NCOR2: variants seen among roughly 807,000 people sequenced by gnomAD.
NCOR2 encodes CTG repeat protein 26.
A neutral mutation model predicts 262.9 loss-of-function variants in NCOR2; 81 were observed. The observed-to-expected ratio is 0.31, with a 90% CI of 0.26 to 0.37. The LOEUF is 0.37. Among genes scored for constraint, NCOR2 ranks in the 10% least tolerant of loss-of-function variants. The pLI is 1.00. For missense variants in NCOR2, 3,385 were observed against 3,621.4 expected, an observed-to-expected ratio of 0.93 and a Z score of 1.68; for synonymous variants, 1,659 against 1,559.3, an observed-to-expected ratio of 1.06 and a Z score of -1.51.
rs536923022 is a variant in NCOR2, at chr12:124,374,115, C to T, written c.2218+298G>A. On this transcript the variant is annotated intron_variant, in intron 19 of 46. Transcript: ENST00000405201. ...TCCCATTTTCTGTAAAATGGGGATACTTGAAAACCCCTGCATTTGCTATCA... is the reference window on the plus strand; with the variant it reads ...TCCCATTTTCTGTAAAATGGGGATATTTGAAAACCCCTGCATTTGCTATCA... 2.6e-5 allele frequency among the ~76,000 whole-genome samples: 4 copies of T among 152,302 alleles called. No individual in the cohort carries two copies. In the East Asian group the frequency reaches 7.8e-4, roughly 30 times the overall value.
At chr12:124,353,080 G>T (rs998838006) in intron 27 of NCOR2, among the ~76,000 whole-genome samples, 1 of 152,210 alleles carries the variant, frequency 6.6e-6, no homozygotes, top group Non-Finnish European at 1.5e-5. Flanking sequence ...TTGGCAGCTG[G>T]CTGTCTGCCA....
At chr12:124,360,407 C>T (rs1173599590) in intron 22 of NCOR2, among the ~76,000 whole-genome samples, 1 of 152,244 alleles carries the variant, frequency 6.6e-6, no homozygotes, top group African/African-American at 2.4e-5. Flanking sequence ...GCCACCTGTG[C>T]GGTTCAGGCA....
exon 14 of NCOR2, chr12:124,402,432 C>A: frequency 6.2e-7 from 1 of 1,614,180 alleles, no homozygotes; most frequent in African/African-American, 1.3e-5. Context: ...TCGTTCTCCA[C>A]CTCCGGCTTC....
intron 23 of NCOR2, 36 bp downstream of exon 25, chr12:124,356,606 G>A (rs766068636): frequency 7.8e-6 from 11 of 1,414,478 alleles, no homozygotes; most frequent in Non-Finnish European, 1.0e-5. Context: ...ATTGTGCACT[G>A]GCTGAAGAAG....
At chr12:124,407,705 ATG>A (rs2042350990) in intron 13 of NCOR2, among the ~76,000 whole-genome samples, 1 of 152,324 alleles carries the variant, frequency 6.6e-6, no homozygotes, top group African/African-American at 2.4e-5. Flanking sequence ...GTCCTTACAA[ATG>A]TGTCAGGAGA....
At chr12:124,470,325 C>T (rs571586984) in intron 4 of NCOR2, among the ~76,000 whole-genome samples, 105 of 152,164 alleles carry the variant, frequency 6.9e-4, no homozygotes, top group Admixed American at 1.4e-3. Flanking sequence ...AGTTACTGTA[C>T]GACACGACCC....
At chr12:124,422,791 T>A (rs952095060) in intron 11 of NCOR2, among the ~76,000 whole-genome samples, 1 of 152,220 alleles carries the variant, frequency 6.6e-6, no homozygotes, top group Non-Finnish European at 1.5e-5. Flanking sequence ...TTAGCGCCTT[T>A]GAAAATATAT....
chr12:124,342,462 C>T (rs370879899), intron 33 of NCOR2, among the ~76,000 whole-genome samples: 6 of 152,098 alleles, frequency 3.9e-5, no homozygotes, highest in Admixed American at 2.6e-4. Flanking sequence ...CTCCGCCTCC[C>T]GGGTTCACGC....
chr12:124,409,302 C>T (rs2042439442), intron 13 of NCOR2, among the ~76,000 whole-genome samples: 1 of 152,206 alleles, frequency 6.6e-6, no homozygotes, highest in Non-Finnish European at 1.5e-5. Context: ...CCCATGCCCA[C>T]CACCTGTCTC....
chr12:124,386,397 G>A (rs1311681764), intron 16 of NCOR2, among the ~76,000 whole-genome samples: 1 of 152,100 alleles, frequency 6.6e-6, no homozygotes, highest in East Asian at 1.9e-4. Flanking sequence ...GTGAGCAGGG[G>A]ATGGGAGGGT....
rs200072577 is a variant in NCOR2, at chr12:124,335,124, C to T, written c.6411+11G>A. 145 of 1,612,334 alleles carry T rather than the reference C, an allele frequency of 9.0e-5. No individual in the cohort carries two copies. The African/African-American group carries it at 1.1e-3, about 12-fold the overall frequency. On this transcript the variant is annotated intron_variant, in intron 40 of 46. Transcript: ENST00000405201. Reference sequence around the variant, plus strand: ...AAAGGTGACAAGCAGCAGCAGAGAACGCGTAGTTACACTGATGTGCTGGGC... The same window carrying T: ...AAAGGTGACAAGCAGCAGCAGAGAATGCGTAGTTACACTGATGTGCTGGGC...
intron 37 of NCOR2, 71 bp downstream of exon 39, chr12:124,339,935 C>A: frequency 2.3e-6 from 3 of 1,294,480 alleles, no homozygotes; most frequent in Non-Finnish European, 3.2e-6. Flanking sequence ...CAAGCATCCT[C>A]TTATCTGCTC....
At chr12:124,550,074 C>T (rs1034346436) in intron 1 of NCOR2, among the ~76,000 whole-genome samples, 4 of 152,152 alleles carry the variant, frequency 2.6e-5, no homozygotes, top group Admixed American at 6.5e-5. Flanking sequence ...GCATTTCTGG[C>T]GGCAGCAAAG....
intron 27 of NCOR2, among the ~76,000 whole-genome samples, chr12:124,352,411 T>C (rs139983780): frequency 2.1e-5 from 3 of 144,386 alleles, no homozygotes; most frequent in African/African-American, 7.7e-5. Flanking sequence ...TCTTGCTGTA[T>C]TGCCCAGGCT....
intron 19 of NCOR2, among the ~76,000 whole-genome samples, chr12:124,373,251 G>A (rs12830830): frequency 0.065 from 9,366 of 144,506 alleles, 468 homozygotes; most frequent in South Asian, 0.15. Context: ...TGCGTGTGCA[G>A]GGGACCCGGG....
In NCOR2 at chr12:124,523,272, C is replaced by T. The variant is rs1055595462; in HGVS notation, c.-118+12293G>A. Among the ~76,000 whole-genome samples the T allele has an allele frequency of 3.9e-5, 6 of 152,190 alleles. No homozygotes were observed. Among genetic ancestry groups the T allele is most frequent in the Non-Finnish European group, 7.3e-5 (5 of 68,034 alleles). The stretch of plus-strand genomic sequence containing the variant: ...ACTCACTTCCAACTGCAGCACCATC[C>T]GGCACGCCAGAATACCATGGGCACC... On this transcript the variant is annotated intron_variant, in intron 1 of 46. Coordinates refer to the NCOR2 transcript ENST00000404621. This position sits in a 1 kb window ranked among gnomAD's most constrained non-coding sequence, Gnocchi z 4.0.
At chr12:124,411,401 A>G (rs2042579953) in intron 13 of NCOR2, among the ~76,000 whole-genome samples, 1 of 152,144 alleles carries the variant, frequency 6.6e-6, no homozygotes, top group Admixed American at 6.5e-5. Flanking sequence ...TCGGGGGCGG[A>G]GCCTCGGCCT....
At chr12:124,419,884 C>G (rs540622420) in intron 13 of NCOR2, 73 bp downstream of exon 15, 2 of 1,371,718 alleles carry the variant, frequency 1.5e-6, no homozygotes, top group Non-Finnish European at 2.1e-6. Context: ...ATGCGGGGTG[C>G]TGGCCACCAA....
intron 16 of NCOR2, among the ~76,000 whole-genome samples, chr12:124,393,023 G>A (rs946238779): frequency 1.3e-5 from 2 of 152,228 alleles, no homozygotes; most frequent in Non-Finnish European, 2.9e-5. Flanking sequence ...CCAACTCCCG[G>A]TCTAGAATGG....
Sources: allele counts gnomAD v4.1 joint callset (sites outside exome capture counted in the v4.1 genomes callset), GRCh38; gene constraint gnomAD v4.1.1; non-coding constraint Gnocchi (gnomAD v3.1); transcripts MANE v1.5; gene names NCBI Gene and HGNC (gene_info 2026-07-23, HGNC 2026-07-21).